The following PTPRD variants were observed in gnomAD, a reference collection of about 807,000 sequenced individuals.
PTPRD encodes receptor-type tyrosine-protein phosphatase delta.
In PTPRD, 34 loss-of-function variants were observed where a neutral mutation model predicts 214.5. That is an observed-to-expected ratio of 0.16 (90% CI 0.12 to 0.21). The LOEUF is 0.21. Ranked by LOEUF, PTPRD falls within the 10% of genes least tolerant of loss-of-function variation. PTPRD has a pLI of 1.00. For synonymous variants in PTPRD, 1,128 were observed against 845.7 expected (o/e 1.33, Z -5.79); for missense variants, 2,545 against 2,398.7 (o/e 1.06, Z -1.27).
At chr9:10,539,499 A>G (rs2058626245) in intron 2 of PTPRD, among the ~76,000 whole-genome samples, 1 of 152,154 alleles carries the variant, frequency 6.6e-6, no homozygotes. Context: ...TATCATTTTA[A>G]TAGAAAGTCT....
chr9:9,988,702 A>G (rs1243969498), intron 4 of PTPRD, among the ~76,000 whole-genome samples: 2 of 152,110 alleles, frequency 1.3e-5, no homozygotes, highest in African/African-American at 4.8e-5. Context: ...AAGTGCTGTT[A>G]CATATCTAGG....
chr9:9,721,716 T>G (rs933841369), intron 7 of PTPRD, among the ~76,000 whole-genome samples: 1 of 152,116 alleles, frequency 6.6e-6, no homozygotes, highest in South Asian at 2.1e-4. Flanking sequence ...AGATAGACCC[T>G]GAGGTCACAT....
At chr9:9,991,740 G>A (rs2095935160) in intron 4 of PTPRD, among the ~76,000 whole-genome samples, 1 of 151,846 alleles carries the variant, frequency 6.6e-6, no homozygotes. Flanking sequence ...TATACCAAAG[G>A]TCTCATATTC....
chr9:8,448,851 T>A (rs2095835782), intron 34 of PTPRD, among the ~76,000 whole-genome samples: 3 of 152,356 alleles, frequency 2.0e-5, no homozygotes, highest in Admixed American at 2.0e-4. Flanking sequence ...GAAACTTGTC[T>A]ACAATTTGTG....
intron 33 of PTPRD, among the ~76,000 whole-genome samples, chr9:8,458,731 G>C (rs1437342564): frequency 6.6e-6 from 1 of 151,988 alleles, no homozygotes; most frequent in East Asian, 1.9e-4. Flanking sequence ...CATGGAGAGA[G>C]GTAATAAAAT....
chr9:9,984,519 C>T (rs572812797), intron 4 of PTPRD, among the ~76,000 whole-genome samples: 18 of 152,170 alleles, frequency 1.2e-4, no homozygotes, highest in South Asian at 4.1e-4. Flanking sequence ...GCAGATTGGA[C>T]GCAGGTGAGC....
chr9:10,215,171 T>C (rs2099535656), intron 3 of PTPRD, among the ~76,000 whole-genome samples: 1 of 151,664 alleles, frequency 6.6e-6, no homozygotes, highest in Non-Finnish European at 1.5e-5. Context: ...GAAAATAAGG[T>C]ACCATAAATA....
At chr9:9,814,697 C>T (rs186386614) in intron 5 of PTPRD, among the ~76,000 whole-genome samples, 61 of 151,930 alleles carry the variant, frequency 4.0e-4, no homozygotes, top group African/African-American at 1.4e-3. Flanking sequence ...ACAGGTTCCA[C>T]GCAATCCCTA....
chr9:10,593,829 T>C (rs2076054236), intron 2 of PTPRD, among the ~76,000 whole-genome samples: 1 of 152,006 alleles, frequency 6.6e-6, no homozygotes, highest in Non-Finnish European at 1.5e-5. Context: ...AAATGTCTTT[T>C]TTTCTTATTG....
chr9:8,612,471 C>T (rs1402247734), intron 14 of PTPRD, among the ~76,000 whole-genome samples: 1 of 151,978 alleles, frequency 6.6e-6, no homozygotes, highest in Non-Finnish European at 1.5e-5. Flanking sequence ...AGAGGCTGTA[C>T]AATGGAGAAA....
At chr9:9,886,918 G>C (rs2071159735) in intron 5 of PTPRD, among the ~76,000 whole-genome samples, 1 of 152,022 alleles carries the variant, frequency 6.6e-6, no homozygotes, top group Non-Finnish European at 1.5e-5. Flanking sequence ...AGGCCAGATG[G>C]AGCACCCAGA....
rs1279699610 is a variant in PTPRD, at chr9:8,844,559, C to G, written c.-103-110613G>C. ...AGATTATGCATATTTTAAAAAATTT[C>G]TCATAGAAACTAACCATCTGTACAA... On this transcript the variant is annotated intron_variant, in intron 11 of 45. Transcript: ENST00000381196. 2.0e-5 allele frequency among the ~76,000 whole-genome samples: 3 copies of G among 152,222 alleles called. No homozygotes were observed. The East Asian group carries it at 5.8e-4, about 29-fold the overall frequency.
rs1822411757 is a variant in PTPRD at position 8,317,091 on chromosome 9, T to C, written c.*783A>G. 1 of 226,066 alleles carries C rather than the reference T, an allele frequency of 4.4e-6. No individual in the cohort carries two copies. Among genetic ancestry groups the C allele is most frequent in the Admixed American group, 5.7e-5 (1 of 17,392 alleles). 14.0% of individuals were successfully genotyped at this position (226,066 alleles called of 1,614,324 possible). A position where few individuals can be genotyped will look rare whatever the true frequency, so the allele number is the denominator to read the frequency against. On this transcript the variant is annotated 3_prime_UTR_variant, in exon 46 of 46. Coordinates refer to ENST00000381196, the MANE Select transcript of PTPRD (RefSeq NM_002839.4). ...AAGAGAATGGGTACTTTCTCACCAA[T>C]CAAAACTGAAGTGTAAAATTAATAT...
chr9:10,027,391 C>T (rs954652574), intron 4 of PTPRD, among the ~76,000 whole-genome samples: 19 of 152,140 alleles, frequency 1.2e-4, no homozygotes, highest in African/African-American at 4.6e-4. Context: ...AACAAAGATT[C>T]CCTAGTTCAC....
chr9:9,124,195 C>A (rs1392162590), intron 10 of PTPRD, among the ~76,000 whole-genome samples: 1 of 152,086 alleles, frequency 6.6e-6, no homozygotes, highest in East Asian at 1.9e-4. Flanking sequence ...GCCATAGATG[C>A]CTTTGATGCA....
intron 11 of PTPRD, among the ~76,000 whole-genome samples, chr9:8,749,078 G>C (rs1335102388): frequency 6.6e-6 from 1 of 151,832 alleles, no homozygotes; most frequent in East Asian, 1.9e-4. Flanking sequence ...CACAGAATTA[G>C]AAATTTTAAA....
At chr9:10,528,265 T>C (rs990211306) in intron 2 of PTPRD, among the ~76,000 whole-genome samples, 5 of 152,168 alleles carry the variant, frequency 3.3e-5, no homozygotes, top group African/African-American at 4.8e-5. Flanking sequence ...TTCCAAGTTC[T>C]ACCACAGACC....
chr9:8,587,469 C>T (rs943404561), intron 14 of PTPRD, among the ~76,000 whole-genome samples: 3 of 152,138 alleles, frequency 2.0e-5, no homozygotes, highest in Non-Finnish European at 4.4e-5. Flanking sequence ...CTTCTGCCAC[C>T]GTTGTAGTTA....
chr9:9,829,066 C>T lies in PTPRD; in HGVS notation c.-367-62215G>A, dbSNP rs546915622. Among the ~76,000 whole-genome samples, 15 of 151,550 alleles carry T rather than the reference C, an allele frequency of 9.9e-5. 1 individual carries two copies. The highest frequency in any genetic ancestry group is 4.2e-4 in the South Asian group (2 of 4,818). ...TGATGTTTAAATGAATGAGGTATAG[C>T]GGGGAATAAAAAATTTAAACATATT... On this transcript the variant is annotated intron_variant, in intron 5 of 45. Coordinates refer to ENST00000381196, the MANE Select transcript of PTPRD (RefSeq NM_002839.4).
Sources: gnomAD v4.1 joint callset for allele counts (sites outside exome capture counted in the v4.1 genomes callset) on GRCh38, gnomAD v4.1.1 for gene constraint, MANE v1.5 for transcripts, NCBI Gene and HGNC (gene_info 2026-07-23, HGNC 2026-07-21) for gene names.